SGCZ: variants seen among roughly 807,000 people sequenced by gnomAD.
SGCZ encodes the protein sarcoglycan zeta.
Under a neutral mutation model 41.3 loss-of-function variants are expected in SGCZ, and 40 were observed. The ratio of observed to expected loss-of-function variants is 0.97; its 90% confidence interval spans 0.75 to 1.26. SGCZ has a LOEUF of 1.26. Ranked by LOEUF, SGCZ falls within the 50% of genes most tolerant of loss-of-function variation. SGCZ has a pLI of 0.00. For synonymous variants in SGCZ, 206 were observed against 137.5 expected (o/e 1.50, Z -3.49); for missense variants, 552 against 369.8 (o/e 1.49, Z -4.04).
intron 1 of SGCZ, among the ~76,000 whole-genome samples, chr8:15,132,572 G>A (rs1305607628): frequency 1.3e-5 from 2 of 152,128 alleles, no homozygotes; most frequent in Non-Finnish European, 2.9e-5. Context: ...AATTTTGGGA[G>A]TACTGTGGGT....
chr8:14,434,656 G>A (rs1800036813), intron 2 of SGCZ, among the ~76,000 whole-genome samples: 1 of 152,158 alleles, frequency 6.6e-6, no homozygotes, highest in Non-Finnish European at 1.5e-5. Flanking sequence ...GCAGTGTTTT[G>A]TAGTATTCCT....
chr8:14,319,221 G>A (rs1801833582), intron 3 of SGCZ, among the ~76,000 whole-genome samples: 1 of 151,786 alleles, frequency 6.6e-6, no homozygotes, highest in Admixed American at 6.6e-5. Flanking sequence ...AAGTGAAATG[G>A]CAAAAATATA....
intron 4 of SGCZ, among the ~76,000 whole-genome samples, chr8:14,220,719 G>A (rs28706125): frequency 0.011 from 1,615 of 152,038 alleles, 25 homozygotes; most frequent in African/African-American, 0.036. Context: ...CCCGGGAGGC[G>A]GAGCTTGCAG....
intron 1 of SGCZ, among the ~76,000 whole-genome samples, chr8:14,721,160 C>T (rs910839414): frequency 6.6e-6 from 1 of 152,094 alleles, no homozygotes; most frequent in Non-Finnish European, 1.5e-5. Flanking sequence ...TCTGAGTACT[C>T]GAAAGTTCAG....
chr8:14,237,426 C>T (rs1029705179), intron 4 of SGCZ, among the ~76,000 whole-genome samples, 166 bp downstream of exon 4: 2 of 151,830 alleles, frequency 1.3e-5, no homozygotes, highest in Admixed American at 6.6e-5. Flanking sequence ...TCGTGATCTG[C>T]CCGCCTCAGC....
chr8:14,490,816 C>A (rs1318795346), intron 2 of SGCZ, among the ~76,000 whole-genome samples: 1 of 2,022 alleles, frequency 4.9e-4, no homozygotes, highest in Non-Finnish European at 1.1e-3. Flanking sequence ...GAGAATTGAT[C>A]ATTTCAAAAA....
At chr8:14,677,490 G>A (rs1808313741) in intron 1 of SGCZ, among the ~76,000 whole-genome samples, 1 of 152,154 alleles carries the variant, frequency 6.6e-6, no homozygotes, top group Non-Finnish European at 1.5e-5. Context: ...ATTCTATATG[G>A]GCCGGGCGGG....
intron 1 of SGCZ, among the ~76,000 whole-genome samples, chr8:14,823,454 G>C (rs56875527): frequency 2.0e-5 from 3 of 152,004 alleles, no homozygotes; most frequent in Non-Finnish European, 2.9e-5. Context: ...AAATACATAA[G>C]AAAGGCCAAC....
intron 1 of SGCZ, among the ~76,000 whole-genome samples, chr8:14,831,606 G>C (rs1802529292): frequency 6.7e-6 from 1 of 149,230 alleles, no homozygotes; most frequent in Non-Finnish European, 1.5e-5. Context: ...GTTTGTGTGT[G>C]TGTGTGTGTG....
At chr8:14,493,896 A>C (rs1160836834) in intron 2 of SGCZ, among the ~76,000 whole-genome samples, 1 of 152,136 alleles carries the variant, frequency 6.6e-6, no homozygotes, top group Non-Finnish European at 1.5e-5. Context: ...ACTCTTTGGC[A>C]ATAAGTCTAA....
At chr8:14,967,556 C>T (rs1801161497) in intron 1 of SGCZ, among the ~76,000 whole-genome samples, 1 of 152,254 alleles carries the variant, frequency 6.6e-6, no homozygotes, top group East Asian at 1.9e-4. Flanking sequence ...AGTTTTCTAT[C>T]CTTCAAAGGC....
At chr8:15,159,725 G>GCC (rs1306451581) in intron 1 of SGCZ, among the ~76,000 whole-genome samples, 8 of 10,400 alleles carry the variant, frequency 7.7e-4, no homozygotes, top group Non-Finnish European at 1.2e-3. Context: ...CCCCTCCCTC[G>GCC]CCCCCGCCCC....
At chr8:14,825,012 A>T (rs1802250390) in intron 1 of SGCZ, among the ~76,000 whole-genome samples, 2 of 152,112 alleles carry the variant, frequency 1.3e-5, no homozygotes, top group Admixed American at 1.3e-4. Context: ...TCCCAAACTG[A>T]AAATACTGTT....
chr8:14,237,490 C>CAAT (rs2117167321), intron 4 of SGCZ, 102 bp downstream of exon 4: 3 of 1,099,312 alleles, frequency 2.7e-6, no homozygotes, highest in Middle Eastern at 2.1e-4. Context: ...CTCAAAACAA[C>CAAT]AACAACAACA....
chr8:14,732,284 G>C (rs1476697934), intron 1 of SGCZ, among the ~76,000 whole-genome samples: 1 of 152,068 alleles, frequency 6.6e-6, no homozygotes, highest in Non-Finnish European at 1.5e-5. Flanking sequence ...GGAATGACAG[G>C]ATACCATCCA....
intron 1 of SGCZ, among the ~76,000 whole-genome samples, chr8:14,765,370 T>A (rs1033321455): frequency 6.6e-6 from 1 of 152,224 alleles, no homozygotes; most frequent in Non-Finnish European, 1.5e-5. Context: ...TTAAGTTATA[T>A]AAAGTATTAA....
intron 1 of SGCZ, among the ~76,000 whole-genome samples, chr8:15,005,441 C>G (rs994422005): frequency 6.7e-6 from 1 of 149,702 alleles, no homozygotes; most frequent in Non-Finnish European, 1.5e-5. Context: ...GAGCGATTCT[C>G]CTGCCTCAGC....
At chr8:14,569,506 T>G (rs1331491945) in intron 1 of SGCZ, among the ~76,000 whole-genome samples, 1 of 152,184 alleles carries the variant, frequency 6.6e-6, no homozygotes, top group Admixed American at 6.5e-5. Flanking sequence ...AAAATTAACT[T>G]AGCATTTTCA....
At chr8:14,446,660 A>G (rs1473662381) in intron 2 of SGCZ, among the ~76,000 whole-genome samples, 1 of 152,186 alleles carries the variant, frequency 6.6e-6, no homozygotes, top group African/African-American at 2.4e-5. Context: ...GCACTTAAAA[A>G]TCCTGTATAA....
Sources: allele counts gnomAD v4.1 joint callset (sites outside exome capture counted in the v4.1 genomes callset), GRCh38; gene constraint gnomAD v4.1.1; transcripts MANE v1.5; gene names NCBI Gene and HGNC (gene_info 2026-07-23, HGNC 2026-07-21).